FBXL18: variants seen among roughly 807,000 people sequenced by gnomAD.
FBXL18 encodes the protein F-box and leucine rich repeat protein 18.
FBXL18 carries 36 observed loss-of-function variants against 46.0 expected under a neutral mutation model. The ratio of observed to expected loss-of-function variants is 0.78; its 90% CI spans 0.60 to 1.03. FBXL18 has a LOEUF of 1.03. Among genes scored for constraint, FBXL18 ranks in the 50% least tolerant of loss-of-function variants. The probability of loss-of-function intolerance (pLI) is 0.00; values close to 1 mark genes in which losing one functional copy is unlikely to be tolerated. For missense variants in FBXL18, 977 were observed against 1,004.1 expected (o/e 0.97, Z 0.36); for synonymous variants, 557 against 465.3 (o/e 1.20, Z -2.54).
chr7:5,501,472 A>T lies in FBXL18; in HGVS notation c.797T>A (p.Leu266His). 2.5e-6 allele frequency: 4 copies of T among 1,613,802 alleles called. No individual in the cohort carries two copies. Among genetic ancestry groups the T allele is most frequent in the Non-Finnish European group, 3.4e-6 (4 of 1,179,998 alleles). The part of the protein sequence containing the change: ...DRTPQNLHAF[L>H]ISVPGSFAES... ...CGCGAAGCTGCCAGGGACGGAGATG[A>T]GGAAGGCGTGGAGGTTCTGAGGAGT... The change falls in exon 3 of 5, where the codon CTC becomes CAC. Residue 266 changes from leucine (L) to histidine (H), a missense_variant. Physicochemically the swap from Leu to His is moderately conservative, Grantham distance 99 (BLOSUM62 -3). Coordinates refer to ENST00000382368, the MANE Select transcript of FBXL18 (RefSeq NM_024963.6).
chr7:5,486,031 C>A (rs1783765162), intron 4 of FBXL18, among the ~76,000 whole-genome samples: 1 of 151,162 alleles, frequency 6.6e-6, no homozygotes, highest in Non-Finnish European at 1.5e-5. Context: ...TGCACTCCAG[C>A]CTGGCCAACA....
At chr7:5,469,064 G>A (rs1452631017) in intron 4 of FBXL18, among the ~76,000 whole-genome samples, 2 of 152,184 alleles carry the variant, frequency 1.3e-5, no homozygotes, top group Non-Finnish European at 2.9e-5. Flanking sequence ...GGTTGTGTGT[G>A]TGTCTGCATC....
intron 4 of FBXL18, among the ~76,000 whole-genome samples, chr7:5,466,941 AG>A (rs1369137962): frequency 6.6e-6 from 1 of 152,138 alleles, no homozygotes; most frequent in Non-Finnish European, 1.5e-5. Flanking sequence ...TTAAATGTAC[AG>A]GCAGTGGCTC....
At chr7:5,474,704 T>TTATTTATTTATG (rs1262189736), downstream of FBXL18, among the ~76,000 whole-genome samples, 2 of 148,652 alleles carry the variant, frequency 1.3e-5, no homozygotes, top group African/African-American at 4.9e-5. Context: ...ATTTATTTAT[T>TTATTTATTTATG]TATTTATTTA....
chr7:5,484,496 G>C (rs1783725650), intron 4 of FBXL18, among the ~76,000 whole-genome samples: 1 of 149,096 alleles, frequency 6.7e-6, no homozygotes, highest in East Asian at 2.0e-4. Context: ...AAGAGCTGCT[G>C]TCGGGACATG....
Position 5,496,142 on chromosome 7 carries a change from G to A in FBXL18, c.1781+4346C>T, listed in dbSNP as rs898618265. Among the ~76,000 whole-genome samples the A allele has an allele frequency of 3.3e-5, 5 of 152,170 alleles. No homozygotes were observed. Among genetic ancestry groups the A allele is most frequent in the Non-Finnish European group, 7.3e-5 (5 of 68,032 alleles). Reference sequence around the variant, plus strand: ...CGGAGACAAGCAGCCATGTGACCTAGGCAAGTTCATGCACTCTCTGGGCCT... The same window carrying A: ...CGGAGACAAGCAGCCATGTGACCTAAGCAAGTTCATGCACTCTCTGGGCCT... On this transcript the variant is annotated intron_variant, in intron 3 of 4. Transcript: ENST00000382368. The surrounding 1 kb of genome is among the most constrained non-coding windows in gnomAD (Gnocchi z 4.8).
chr7:5,489,368 C>G, intron 4 of FBXL18: 3 of 515,216 alleles, frequency 5.8e-6, no homozygotes, highest in South Asian at 4.2e-5. Flanking sequence ...GGCGTTGTGG[C>G]TCACGCCTGT....
chr7:5,466,565 A>G (rs1584185500), intron 4 of FBXL18, among the ~76,000 whole-genome samples: 2 of 152,024 alleles, frequency 1.3e-5, no homozygotes, highest in East Asian at 3.9e-4. Flanking sequence ...TGGTGATTGG[A>G]CTGGGCCACC....
intron 2 of FBXL18, among the ~76,000 whole-genome samples, 182 bp downstream of exon 2, chr7:5,505,230 C>A (rs912043098): frequency 6.6e-6 from 1 of 152,118 alleles, no homozygotes; most frequent in Admixed American, 6.6e-5. Flanking sequence ...AGGCAGCACA[C>A]CACCCATGCT....
intron 4 of FBXL18, among the ~76,000 whole-genome samples, chr7:5,468,758 G>A (rs974127957): frequency 3.3e-5 from 5 of 151,930 alleles, no homozygotes; most frequent in Non-Finnish European, 5.9e-5. Context: ...GCACCACCAC[G>A]ACGGGCTAAC....
chr7:5,466,776 C>A (rs1011645187), intron 4 of FBXL18, among the ~76,000 whole-genome samples: 4 of 152,154 alleles, frequency 2.6e-5, no homozygotes, highest in African/African-American at 7.2e-5. Context: ...AGGAGGGAGG[C>A]AGGAGCCCGG....
rs974707388 is a variant in FBXL18, at chr7:5,479,117, C to A, written c.*2658G>T. On this transcript the variant is annotated 3_prime_UTR_variant, in exon 5 of 5. Transcript: ENST00000382368. ...AGCAGCGGAAATTCTTGCTCTAAGT[C>A]AGAGGATGGTTGCAGGGGACACTAA... 1.3e-5 allele frequency: 2 copies of A among 152,128 alleles called. No homozygotes were observed. Among genetic ancestry groups the A allele is most frequent in the African/African-American group, 2.4e-5 (1 of 41,426 alleles). 9.4% of individuals were successfully genotyped at this position (152,128 alleles called of 1,614,324 possible). A position where few individuals can be genotyped will look rare whatever the true frequency, so the allele number is the denominator to read the frequency against.
chr7:5,495,031 C>T (rs1263534229), intron 3 of FBXL18, among the ~76,000 whole-genome samples: 5 of 152,178 alleles, frequency 3.3e-5, no homozygotes, highest in Non-Finnish European at 5.9e-5. Context: ...CACAGCACGC[C>T]GCCTGGGGCA....
In FBXL18 at chr7:5,491,272, G is replaced by A. The variant is rs1239000018; in HGVS notation, c.1959C>T (p.Ser653=). ...GCTGCAGGCTCTTGCAGGTGGCGAG[G>A]GACTCCCCGGTGAACAGGTGGCACA... ...VVMCHLFTGE[S]LATCKSLQQS... Residue 653 remains serine, a synonymous_variant, in exon 4 of 5, where the codon TCC becomes TCT. Transcript: ENST00000382368. 3 of 1,613,262 alleles carry A rather than the reference G, an allele frequency of 1.9e-6. No homozygotes were observed. The highest frequency in any genetic ancestry group is 1.7e-5 in the Admixed American group (1 of 59,950).
chr7:5,487,441 G>A (rs1427235363), intron 4 of FBXL18, among the ~76,000 whole-genome samples: 2 of 152,182 alleles, frequency 1.3e-5, no homozygotes, highest in African/African-American at 4.8e-5. Context: ...AGAAGATCCT[G>A]ACACAGCCTG....
intron 3 of FBXL18, among the ~76,000 whole-genome samples, chr7:5,494,861 T>A (rs1448855944): frequency 2.0e-5 from 3 of 152,188 alleles, no homozygotes; most frequent in Non-Finnish European, 4.4e-5. Context: ...AAACCAAGTC[T>A]GCAGAGCGTG....
chr7:5,485,380 T>C (rs972890711), intron 4 of FBXL18, among the ~76,000 whole-genome samples: 2 of 152,112 alleles, frequency 1.3e-5, no homozygotes, highest in African/African-American at 2.4e-5. Flanking sequence ...AAGACTGAGT[T>C]TGGGAAAAGT....
intron 1 of FBXL18, among the ~76,000 whole-genome samples, chr7:5,510,548 G>A (rs1001669260): frequency 4.6e-5 from 7 of 151,796 alleles, no homozygotes; most frequent in Admixed American, 1.3e-4. Context: ...CAGGCATGGT[G>A]GCACGTGCCT....
Position 5,513,553 on chromosome 7 carries a change from G to A in FBXL18, c.18+104C>T, listed in dbSNP as rs1024810656. ...ATGGGAAGGACGGGGCGGGGTAGGGGTCGGGATAGAAAGGATGCAAGGGAA... is the reference window on the plus strand; with the variant it reads ...ATGGGAAGGACGGGGCGGGGTAGGGATCGGGATAGAAAGGATGCAAGGGAA... On this transcript the variant is annotated intron_variant, in intron 1 of 4. Coordinates refer to ENST00000382368, the MANE Select transcript of FBXL18 (RefSeq NM_024963.6). 3.0e-6 allele frequency: 4 copies of A among 1,319,406 alleles called. No individual in the cohort carries two copies. The Admixed American group carries it at 7.7e-5, about 26-fold the overall frequency. The allele number at this position is 1,319,406 out of a possible 1,614,324, so 81.7% of individuals were successfully genotyped here.
Sources: allele counts gnomAD v4.1 joint callset (sites outside exome capture counted in the v4.1 genomes callset), GRCh38; gene constraint gnomAD v4.1.1; non-coding constraint Gnocchi (gnomAD v3.1); transcripts MANE v1.5; gene names NCBI Gene and HGNC (gene_info 2026-07-23, HGNC 2026-07-21).